Variants in CCDC163 observed in about 807,000 individuals in gnomAD.
CCDC163 encodes the protein CCDC163 homolog.
Under a neutral mutation model 8.2 loss-of-function variants are expected in CCDC163, and 13 were observed. That is an observed-to-expected ratio of 1.59 (90% CI 1.04 to 2.54). The LOEUF is 2.54. CCDC163 is among the 30% of genes most tolerant of loss of function. The pLI is 0.00. For missense variants in CCDC163, 117 were observed against 78.6 expected, an observed-to-expected ratio of 1.49 and a Z score of -1.85; for synonymous variants, 41 against 30.9, an observed-to-expected ratio of 1.33 and a Z score of -1.08.
In CCDC163 at chr1:45,494,463, C is replaced by CA. The variant is rs57092651; in HGVS notation, c.*595dup. 0.023 allele frequency: 2,281 copies of CA among 101,104 alleles called. 37 individuals are homozygous for CA. Among genetic ancestry groups the CA allele is most frequent in the African/African-American group, 0.053 (1,406 of 26,728 alleles). 6.3% of individuals were successfully genotyped at this position (101,104 alleles called of 1,614,324 possible). ...TGGGCAACTGAGTAAGACCTTGCCT[C>CA]AAAAAAAAAAAAAAAAAAGGCAGAA... On this transcript the variant is annotated 3_prime_UTR_variant, in exon 5 of 5. Transcript: ENST00000629482.
Position 45,497,364 on chromosome 1 carries a change from G to A in CCDC163, c.197C>T (p.Pro66Leu). 1.3e-6 allele frequency: 1 copy of A among 779,878 alleles called. No homozygotes were observed. The allele number at this position is 779,878 out of a possible 1,614,324, so 48.3% of individuals were successfully genotyped here. The change falls in exon 3 of 5, where the codon CCT becomes CTT. Residue 66 changes from proline to leucine, a missense_variant. Pro to Leu is a moderately conservative substitution (Grantham distance 98, BLOSUM62 -3). Transcript: ENST00000629482. Reference sequence around the variant, plus strand: ...CTCTGACTCCTCCCACAGCACTGCAGGAGTGACAGCAGTGCTATTCTAAAG... The same window carrying A: ...CTCTGACTCCTCCCACAGCACTGCAAGAGTGACAGCAGTGCTATTCTAAAG... ...SPPQNSTAVT[P>L]AVLWEESEIM...
chr1:45,497,714 GTC>G (rs1643370400), intron 2 of CCDC163, among the ~76,000 whole-genome samples: 1 of 43,654 alleles, frequency 2.3e-5, no homozygotes, highest in Non-Finnish European at 4.4e-5. Flanking sequence ...GGTGGAGGGG[GTC>G]AGCCCCCCGC....
chr1:45,494,819 C>T lies in CCDC163; in HGVS notation c.*240G>A, dbSNP rs548997010. On this transcript the variant is annotated 3_prime_UTR_variant, in exon 5 of 5. Transcript: ENST00000629482. Reference sequence around the variant, plus strand: ...TAAAAATACAAAAATTAGCGCACACCTGTAATCCCAGCTACTTGGGAGGCT... The same window carrying T: ...TAAAAATACAAAAATTAGCGCACACTTGTAATCCCAGCTACTTGGGAGGCT... 53 of 500,536 alleles carry T rather than the reference C, an allele frequency of 1.1e-4. No homozygotes were observed. Among genetic ancestry groups the T allele is most frequent in the African/African-American group, 9.9e-4 (51 of 51,702 alleles). The allele number at this position is 500,536 out of a possible 1,614,324, so 31.0% of individuals were successfully genotyped here. A position where few individuals can be genotyped will look rare whatever the true frequency, so the allele number is the denominator to read the frequency against.
At chr1:45,496,363 T>G (rs1296142736) in intron 4 of CCDC163, 193 bp downstream of exon 4, 2 of 685,752 alleles carry the variant, frequency 2.9e-6, no homozygotes, top group African/African-American at 3.5e-5. Context: ...TCGGCAAGGA[T>G]AGTTTCTCAT....
chr1:45,494,658 C>G lies in CCDC163; in HGVS notation c.*401G>C, dbSNP rs988775789. 32 of 227,988 alleles carry G rather than the reference C, an allele frequency of 1.4e-4. No individual in the cohort carries two copies. The highest frequency in any genetic ancestry group is 6.9e-4 in the African/African-American group (31 of 44,860). The allele number at this position is 227,988 out of a possible 1,614,324, so 14.1% of individuals were successfully genotyped here. ...TTCCAAGTTCAACTGAGCTTGCACT[C>G]AGAAGGTACAGCTATAGGCTGGGCA... On this transcript the variant is annotated 3_prime_UTR_variant, in exon 5 of 5. Coordinates refer to ENST00000629482, the MANE Select transcript of CCDC163 (RefSeq NM_001102601.3).
rs542806760 is a variant in CCDC163 at position 45,497,072 on chromosome 1, C to T, written c.262+227G>A. ...CCTGTAATCCCAGCTACTCAGGAGG[C>T]TGAGGCAGGAGAATCGCTTGGACTC... is the stretch of plus-strand genomic sequence containing the variant. On this transcript the variant is annotated intron_variant, in intron 3 of 4. Transcript: ENST00000629482. Among the ~76,000 whole-genome samples, 4 of 152,226 alleles carry T rather than the reference C, an allele frequency of 2.6e-5. No homozygotes were observed. In the East Asian group the frequency reaches 7.7e-4, roughly 29 times the overall value.
Position 45,494,357 on chromosome 1 carries a change from G to A in CCDC163, c.*702C>T, listed in dbSNP as rs1653895564. 6.6e-6 allele frequency: 1 copy of A among 152,432 alleles called. No individual in the cohort carries two copies. The highest frequency in any genetic ancestry group is 2.4e-5 in the African/African-American group (1 of 41,316). The allele number at this position is 152,432 out of a possible 1,614,324, so 9.4% of individuals were successfully genotyped here. A position where few individuals can be genotyped will look rare whatever the true frequency, so the allele number is the denominator to read the frequency against. On this transcript the variant is annotated 3_prime_UTR_variant, in exon 5 of 5. Coordinates refer to ENST00000629482, the MANE Select transcript of CCDC163 (RefSeq NM_001102601.3). ...CCTGTAGTCCCATATATTATTACTT[G>A]GGGGGCTAAGGTGGGAGGATTGCTT... is the stretch of plus-strand genomic sequence containing the variant.
At chr1:45,497,189 C>T in intron 3 of CCDC163, 110 bp downstream of exon 3, 1 of 581,068 alleles carries the variant, frequency 1.7e-6, no homozygotes, top group Non-Finnish European at 3.1e-6. Context: ...CAGAGCAAGA[C>T]TCCATCTCAA....
chr1:45,497,386 AAAGTC>A lies in CCDC163; in HGVS notation c.178-8_178-4del. ...GCAGGAGTGACAGCAGTGCTATTCT[AAAGTC>A]AATCAACAAATCCAGAGTAAGAAGG... On this transcript the variant is annotated splice_region_variant and splice_polypyrimidine_tract_variant and intron_variant, in intron 2 of 4. Coordinates refer to ENST00000629482, the MANE Select transcript of CCDC163 (RefSeq NM_001102601.3). 2.6e-6 allele frequency: 2 copies of A among 778,114 alleles called. No individual in the cohort carries two copies. Among genetic ancestry groups the A allele is most frequent in the Non-Finnish European group, 4.8e-6 (2 of 416,618 alleles). The allele number at this position is 778,114 out of a possible 1,614,324, so 48.2% of individuals were successfully genotyped here. A position where few individuals can be genotyped will look rare whatever the true frequency, so the allele number is the denominator to read the frequency against.
chr1:45,499,325 TAGAA>T lies in CCDC163; in HGVS notation c.177+16_177+19del, dbSNP rs1557602152. ...CACAGAAAGAGAAAGGGCTTGGAAGTAGAAAGAGACATTACTTACCTGCGGTGGA... is the reference window on the plus strand; with the variant it reads ...CACAGAAAGAGAAAGGGCTTGGAAGTAGAGACATTACTTACCTGCGGTGGA... On this transcript the variant is annotated intron_variant, in intron 2 of 4. Transcript: ENST00000629482. The T allele has an allele frequency of 3.9e-6, 3 of 763,132 alleles. No homozygotes were observed. The highest frequency in any genetic ancestry group is 5.0e-5 in the East Asian group (2 of 40,266). The allele number at this position is 763,132 out of a possible 1,614,324, so 47.3% of individuals were successfully genotyped here.
In CCDC163 at chr1:45,493,902, A is replaced by G. The variant is rs1401855289; in HGVS notation, c.*1157T>C. The G allele has an allele frequency of 1.3e-5, 2 of 152,210 alleles. No homozygotes were observed. The highest frequency in any genetic ancestry group is 2.9e-5 in the Non-Finnish European group (2 of 68,042). 9.4% of individuals were successfully genotyped at this position (152,210 alleles called of 1,614,324 possible). The stretch of plus-strand genomic sequence containing the variant: ...GCATTTTTTAATGAAATATAATAGA[A>G]AATATCAGTGTATCACTCCCACTAA... On this transcript the variant is annotated 3_prime_UTR_variant, in exon 5 of 5. Coordinates refer to ENST00000629482, the MANE Select transcript of CCDC163 (RefSeq NM_001102601.3).
At chr1:45,495,870 C>T (rs1654079089) in intron 4 of CCDC163, among the ~76,000 whole-genome samples, 1 of 152,076 alleles carries the variant, frequency 6.6e-6, no homozygotes, top group African/African-American at 2.4e-5. Flanking sequence ...GTTAGCCAGG[C>T]TGGTCTTGAA....
intron 2 of CCDC163, chr1:45,498,394 C>CAAAAAAAAAAAAAA (rs779532347): frequency 9.6e-6 from 1 of 104,298 alleles, no homozygotes; most frequent in African/African-American, 3.4e-5. Flanking sequence ...AAAACAAACC[C>CAAAAAAAAAAAAAA]AAAAAAAAAA....
rs1051007052 is a variant in CCDC163 at position 45,494,985 on chromosome 1, A to G, written c.*74T>C. On this transcript the variant is annotated 3_prime_UTR_variant, in exon 5 of 5. Coordinates refer to ENST00000629482, the MANE Select transcript of CCDC163 (RefSeq NM_001102601.3). The stretch of plus-strand genomic sequence containing the variant: ...AAGAAGGTAGGGGCGGGCAGCCCAG[A>G]AACAGGGCCTTGGAGGGGAGGGTGG... The G allele has an allele frequency of 1.3e-6, 1 of 776,752 alleles. No homozygotes were observed. Among genetic ancestry groups the G allele is most frequent in the African/African-American group, 1.7e-5 (1 of 58,954 alleles). 48.1% of individuals were successfully genotyped at this position (776,752 alleles called of 1,614,324 possible). A position where few individuals can be genotyped will look rare whatever the true frequency, so the allele number is the denominator to read the frequency against.
rs760529964 is a variant in CCDC163 at position 45,494,101 on chromosome 1, G to A, written c.*958C>T. Reference sequence around the variant, plus strand: ...AGAGACCAGGGAAGAGGCTGCTACAGAAATGCAGTCTGGGCTGCTAAGGAT... The same window carrying A: ...AGAGACCAGGGAAGAGGCTGCTACAAAAATGCAGTCTGGGCTGCTAAGGAT... On this transcript the variant is annotated 3_prime_UTR_variant, in exon 5 of 5. Coordinates refer to ENST00000629482, the MANE Select transcript of CCDC163 (RefSeq NM_001102601.3). 6.6e-6 allele frequency: 1 copy of A among 152,170 alleles called. No homozygotes were observed. Among genetic ancestry groups the A allele is most frequent in the Non-Finnish European group, 1.5e-5 (1 of 68,032 alleles). The allele number at this position is 152,170 out of a possible 1,614,324, so 9.4% of individuals were successfully genotyped here.
chr1:45,497,698 G>A (rs1415197734), intron 2 of CCDC163, among the ~76,000 whole-genome samples: 9 of 40,598 alleles, frequency 2.2e-4, no homozygotes, highest in Non-Finnish European at 2.8e-4. Context: ...CCCCGTCCGG[G>A]AGGGAGGTGG....
rs749836170 is a variant in CCDC163, at chr1:45,496,564, T to A, written c.322A>T (p.Ser108Cys). ...TCTGAACCTAGTCCTACCTTCCAAC[T>A]GCCAACCTGAGCCTGTCGTCCCTCA... ...LAEGRQAQVG[S>C]WKIPRGAPFL... Residue 108 changes from serine to cysteine, a missense_variant, in exon 4 of 5, where the codon AGT becomes TGT. Ser to Cys is a moderately radical substitution (Grantham distance 112, BLOSUM62 -1). Transcript: ENST00000629482. 2 of 780,608 alleles carry A rather than the reference T, an allele frequency of 2.6e-6. No homozygotes were observed. The highest frequency in any genetic ancestry group is 4.8e-5 in the East Asian group (2 of 41,254). The allele number at this position is 780,608 out of a possible 1,614,324, so 48.4% of individuals were successfully genotyped here.
intron 2 of CCDC163, among the ~76,000 whole-genome samples, chr1:45,497,659 A>AG (rs1654306229): frequency 1.0e-5 from 1 of 96,398 alleles, no homozygotes; most frequent in Non-Finnish European, 2.0e-5. Flanking sequence ...CCCGTCTGGG[A>AG]AGTGAGGAGC....
At chr1:45,499,467 G>C in intron 1 of CCDC163, 24 bp from the exon 2 acceptor site, 1 of 777,860 alleles carries the variant, frequency 1.3e-6, no homozygotes, top group Non-Finnish European at 2.4e-6. Context: ...AGATGCACAG[G>C]CCAATGAACT....
Sources: allele counts gnomAD v4.1 joint callset (sites outside exome capture counted in the v4.1 genomes callset), GRCh38; gene constraint gnomAD v4.1.1; transcripts MANE v1.5; gene names NCBI Gene and HGNC (gene_info 2026-07-23, HGNC 2026-07-21).